Variants in BMPER observed in about 807,000 individuals in gnomAD.
BMPER encodes the protein BMP binding endothelial regulator, also known as BMP-binding endothelial regulator protein.
In BMPER, 45 loss-of-function variants were observed where a neutral mutation model predicts 87.3. That is an observed-to-expected ratio of 0.52 (90% CI 0.41 to 0.66). BMPER has a LOEUF of 0.66. Among genes scored for constraint, BMPER ranks in the 30% least tolerant of loss-of-function variants. BMPER has a pLI of 0.00. For missense variants in BMPER, 784 were observed against 867.5 expected (o/e 0.90, Z 1.21); for synonymous variants, 326 against 316.2 (o/e 1.03, Z -0.33).
At chr7:33,985,556 T>A (rs115770682) in intron 6 of BMPER, among the ~76,000 whole-genome samples, 2,331 of 152,266 alleles carry the variant, frequency 0.015, 69 homozygotes, top group African/African-American at 0.053. Flanking sequence ...AAGGGGTGTG[T>A]GTGTGTTGCT....
At chr7:34,066,851 CAG>C (rs1023518988) in intron 11 of BMPER, among the ~76,000 whole-genome samples, 33 of 149,992 alleles carry the variant, frequency 2.2e-4, no homozygotes, top group Non-Finnish European at 3.4e-4. Context: ...GAGGGAGGGG[CAG>C]AGAGAGAGAG....
rs1331265513 is a variant in BMPER at position 33,950,056 on chromosome 7, T to C, written c.319+12668T>C. On this transcript the variant is annotated intron_variant, in intron 3 of 14. Coordinates refer to ENST00000649409, the MANE Select transcript of BMPER (RefSeq NM_001365308.1). ...AAATTTATCTCAACCCATTTATTCC[T>C]GGGCTTTGTTTTTTAGATTTTGTAG... 2.6e-5 allele frequency among the ~76,000 whole-genome samples: 4 copies of C among 152,198 alleles called. No individual in the cohort carries two copies. In the East Asian group the frequency reaches 7.7e-4, roughly 29 times the overall value.
rs569776017 is a variant in BMPER at position 34,116,991 on chromosome 7, G to GA, written c.1746-26227dup. 6.3e-3 allele frequency among the ~76,000 whole-genome samples: 842 copies of GA among 134,096 alleles called. 7 individuals are homozygous for GA. Among genetic ancestry groups the GA allele is most frequent in the African/African-American group, 0.019 (694 of 36,886 alleles). The allele number at this position is 134,096 out of a possible 152,430, so 88.0% of individuals were successfully genotyped here. ...GGTGACAAAGGGAGACCCTGTCTCC[G>GA]AAAAAAAAAAAAGAAAAGAAAAAAG... On this transcript the variant is annotated intron_variant, in intron 13 of 14. Coordinates refer to ENST00000649409, the MANE Select transcript of BMPER (RefSeq NM_001365308.1).
At chr7:33,996,670 A>G (rs1234283203) in intron 6 of BMPER, among the ~76,000 whole-genome samples, 1 of 152,204 alleles carries the variant, frequency 6.6e-6, no homozygotes, top group African/African-American at 2.4e-5. Context: ...TGTGAGCCAC[A>G]TATGCAATTT....
At chr7:33,928,133 T>C (rs1035136177) in intron 2 of BMPER, among the ~76,000 whole-genome samples, 6 of 152,044 alleles carry the variant, frequency 3.9e-5, no homozygotes, top group African/African-American at 1.4e-4. Context: ...ATCCCAGCTG[T>C]TGGAGTCTCT....
chr7:34,099,421 A>AT (rs550536068), intron 13 of BMPER, among the ~76,000 whole-genome samples: 149 of 151,988 alleles, frequency 9.8e-4, no homozygotes, highest in African/African-American at 3.3e-3. Context: ...ATTTTGAAGG[A>AT]TTTTTTTTCT....
chr7:33,973,971 G>C (rs76305911), intron 5 of BMPER, among the ~76,000 whole-genome samples: 3,185 of 152,128 alleles, frequency 0.021, 104 homozygotes, highest in African/African-American at 0.072. Context: ...CCTATTATTA[G>C]CTCAAACTTG....
chr7:33,964,749 C>T (rs1360923808), intron 3 of BMPER, among the ~76,000 whole-genome samples: 5 of 151,832 alleles, frequency 3.3e-5, no homozygotes, highest in Non-Finnish European at 7.4e-5. Flanking sequence ...TCCTCTAAAA[C>T]AAAAAAGGCA....
At chr7:33,914,484 G>A (rs918647046) in intron 2 of BMPER, among the ~76,000 whole-genome samples, 47 of 152,240 alleles carry the variant, frequency 3.1e-4, no homozygotes, top group Non-Finnish European at 5.4e-4. Flanking sequence ...AGGAAGAGAC[G>A]GGGTCATGTG....
intron 13 of BMPER, among the ~76,000 whole-genome samples, chr7:34,110,348 G>A (rs762167327): frequency 6.6e-6 from 1 of 152,164 alleles, no homozygotes; most frequent in Non-Finnish European, 1.5e-5. Context: ...TTTGTTGAAG[G>A]TGAGGGTACG....
Position 34,085,816 on chromosome 7 carries a change from A to G in BMPER, c.1469A>G (p.Lys490Arg). 1 of 1,614,198 alleles carries G rather than the reference A, an allele frequency of 6.2e-7. No homozygotes were observed. The highest frequency in any genetic ancestry group is 1.1e-5 in the South Asian group (1 of 91,080). ...FVEVMAAPHL[K>R]GKLCGLCGNY... ...GAAGTCATGGCTGCGCCGCATCTCA[A>G]GGGCAAGCTCTGTGGTCTTTGTGGC... The change falls in exon 13 of 15, where the codon AAG becomes AGG. Residue 490 changes from lysine to arginine, a missense_variant. Lys to Arg is a conservative substitution (Grantham distance 26). Transcript: ENST00000649409.
intron 13 of BMPER, among the ~76,000 whole-genome samples, chr7:34,100,834 T>C (rs567768051): frequency 6.6e-6 from 1 of 152,282 alleles, no homozygotes; most frequent in Non-Finnish European, 1.5e-5. Context: ...GAGGATACAC[T>C]TGCTACCCAC....
chr7:34,052,676 T>C (rs893246242), intron 8 of BMPER, among the ~76,000 whole-genome samples: 1 of 152,088 alleles, frequency 6.6e-6, no homozygotes, highest in African/African-American at 2.4e-5. Flanking sequence ...GTGGTGATGG[T>C]TGTTGTTGTT....
intron 13 of BMPER, among the ~76,000 whole-genome samples, chr7:34,135,291 G>C (rs1372253424): frequency 1.3e-5 from 2 of 152,128 alleles, no homozygotes; most frequent in South Asian, 2.1e-4. Context: ...AGTTGACAGG[G>C]AGGGAGGAAC....
chr7:34,022,442 C>T (rs1392219481), intron 6 of BMPER, among the ~76,000 whole-genome samples: 1 of 151,900 alleles, frequency 6.6e-6, no homozygotes, highest in African/African-American at 2.4e-5. Flanking sequence ...GAAATGGAGA[C>T]TTTAAAATAT....
chr7:34,147,210 A>G (rs1338174999), intron 14 of BMPER, among the ~76,000 whole-genome samples: 1 of 152,166 alleles, frequency 6.6e-6, no homozygotes. Flanking sequence ...ACTCTGCCCT[A>G]ATTATATACA....
chr7:34,059,475 CA>C (rs997784902), intron 10 of BMPER, among the ~76,000 whole-genome samples: 1 of 151,996 alleles, frequency 6.6e-6, no homozygotes, highest in Non-Finnish European at 1.5e-5. Flanking sequence ...ACATTTGGGC[CA>C]GGGGCATCCA....
At chr7:34,079,215 C>T (rs1177751966) in intron 12 of BMPER, 29 bp downstream of exon 12, 2 of 1,611,884 alleles carry the variant, frequency 1.2e-6, no homozygotes, top group Non-Finnish European at 1.7e-6. Flanking sequence ...CCCTCTTGCT[C>T]TAGCCTCCGC....
At chr7:33,915,629 C>A (rs1356066969) in intron 2 of BMPER, among the ~76,000 whole-genome samples, 2 of 152,140 alleles carry the variant, frequency 1.3e-5, no homozygotes, top group African/African-American at 2.4e-5. Context: ...TGGGACAAGT[C>A]TCAGTGGTAT....
Sources: gnomAD v4.1 joint callset for allele counts (sites outside exome capture counted in the v4.1 genomes callset) on GRCh38, gnomAD v4.1.1 for gene constraint, MANE v1.5 for transcripts, NCBI Gene and HGNC (gene_info 2026-07-23, HGNC 2026-07-21) for gene names.